UNC13C: variants seen among roughly 807,000 people sequenced by gnomAD.
UNC13C encodes the protein protein unc-13 homolog C.
Under a neutral mutation model 245.4 loss-of-function variants are expected in UNC13C, and 174 were observed. The ratio of observed to expected loss-of-function variants is 0.71; its 90% CI spans 0.63 to 0.80. The LOEUF is 0.80. UNC13C is among the 30% of genes least tolerant of loss of function. The pLI is 0.00. For missense variants in UNC13C, 2,829 were observed against 2,602.9 expected (o/e 1.09, Z -1.89); for synonymous variants, 992 against 895.1 (o/e 1.11, Z -1.93).
At chr15:54,026,592 G>A (rs1356048842) in intron 2 of UNC13C, among the ~76,000 whole-genome samples, 6 of 152,140 alleles carry the variant, frequency 3.9e-5, no homozygotes, top group African/African-American at 7.2e-5. Context: ...TTGCTGTAGG[G>A]AAACCCATGG....
chr15:54,074,993 A>T (rs1277644745), intron 2 of UNC13C, among the ~76,000 whole-genome samples: 3 of 152,030 alleles, frequency 2.0e-5, no homozygotes, highest in Non-Finnish European at 4.4e-5. Flanking sequence ...TTAACTGGTG[A>T]TGTAGGTTTT....
chr15:54,334,485 T>C (rs75325940), intron 16 of UNC13C, among the ~76,000 whole-genome samples: 2 of 152,098 alleles, frequency 1.3e-5, no homozygotes, highest in Non-Finnish European at 2.9e-5. Context: ...ATACACTCTT[T>C]GAAAGACAGT....
At chr15:54,234,108 G>A (rs1414364107) in intron 4 of UNC13C, among the ~76,000 whole-genome samples, 1 of 134,376 alleles carries the variant, frequency 7.4e-6, no homozygotes, top group Non-Finnish European at 1.6e-5. Context: ...TTATAACAGG[G>A]ATTTTTCTCT....
At chr15:54,339,628 C>A (rs2038679054) in intron 17 of UNC13C, among the ~76,000 whole-genome samples, 1 of 141,286 alleles carries the variant, frequency 7.1e-6, no homozygotes, top group South Asian at 2.3e-4. Context: ...TAGTAGTATT[C>A]CATTATGTGG....
chr15:53,978,529 T>C lies in UNC13C; in HGVS notation c.-655T>C, dbSNP rs1008925263. Among the ~76,000 whole-genome samples the C allele has an allele frequency of 9.9e-5, 15 of 152,074 alleles. No homozygotes were observed. Among genetic ancestry groups the C allele is most frequent in the African/African-American group, 3.6e-4 (15 of 41,406 alleles). ...CCTCACCCTCAAATGTTGATGAGCC[T>C]GGGCGCTCCTCAACACACGGGAGAG... On this transcript the variant is annotated 5_prime_UTR_variant, in exon 1 of 33. Coordinates refer to ENST00000260323, the MANE Select transcript of UNC13C (RefSeq NM_001080534.3).
chr15:54,293,281 G>A (rs1394545548), intron 10 of UNC13C, among the ~76,000 whole-genome samples: 2 of 151,938 alleles, frequency 1.3e-5, no homozygotes, highest in African/African-American at 2.4e-5. Flanking sequence ...ACCATAATAT[G>A]TGTAGGCAAT....
chr15:54,308,573 T>A (rs2037785012), intron 13 of UNC13C, among the ~76,000 whole-genome samples: 1 of 151,890 alleles, frequency 6.6e-6, no homozygotes, highest in Non-Finnish European at 1.5e-5. Context: ...ATCATCACCA[T>A]GTTGTACAAT....
chr15:54,526,528 G>A (rs1239785983), intron 25 of UNC13C, among the ~76,000 whole-genome samples: 2 of 151,840 alleles, frequency 1.3e-5, no homozygotes, highest in African/African-American at 2.4e-5. Context: ...TCAGGAGATC[G>A]AGACCATCCT....
At chr15:53,870,478 G>A in the UNC13C span, among the ~76,000 whole-genome samples, 1 of 148,172 alleles carries the variant, frequency 6.7e-6, no homozygotes, top group Non-Finnish European at 1.5e-5. Flanking sequence ...ATGTGGGTGA[G>A]TGCCTCATCC....
intron 24 of UNC13C, chr15:54,512,265 C>T (rs1596496066): frequency 2.3e-6 from 1 of 442,836 alleles, no homozygotes; most frequent in Non-Finnish European, 4.5e-6. Context: ...ATTGAGAAAG[C>T]TCTGTCAAAA....
At chr15:54,308,346 A>G (rs2037779551) in intron 13 of UNC13C, among the ~76,000 whole-genome samples, 1 of 151,952 alleles carries the variant, frequency 6.6e-6, no homozygotes, top group African/African-American at 2.4e-5. Context: ...CTTGCCAGTA[A>G]CTATCTCATT....
intron 26 of UNC13C, among the ~76,000 whole-genome samples, chr15:54,546,270 G>C (rs1896477805): frequency 6.6e-6 from 1 of 152,160 alleles, no homozygotes; most frequent in South Asian, 2.1e-4. Context: ...GTTGAACAAT[G>C]AGAACACGTG....
chr15:54,298,839 C>T (rs140899522), intron 12 of UNC13C, among the ~76,000 whole-genome samples: 25 of 152,196 alleles, frequency 1.6e-4, no homozygotes, highest in African/African-American at 5.8e-4. Flanking sequence ...TAACAAAGTA[C>T]CTTCCTCAGA....
intron 2 of UNC13C, among the ~76,000 whole-genome samples, chr15:54,120,712 G>A (rs966082256): frequency 6.6e-6 from 1 of 151,980 alleles, no homozygotes; most frequent in Non-Finnish European, 1.5e-5. Context: ...AAGGCCATTT[G>A]TGATTCATGG....
intron 17 of UNC13C, among the ~76,000 whole-genome samples, chr15:54,346,890 G>T (rs1174355613): frequency 6.6e-6 from 1 of 152,068 alleles, no homozygotes; most frequent in African/African-American, 2.4e-5. Context: ...CACTGGTGTA[G>T]GCTCTTAGGA....
intron 10 of UNC13C, among the ~76,000 whole-genome samples, chr15:54,285,097 T>C (rs2037108009): frequency 6.6e-6 from 1 of 152,166 alleles, no homozygotes; most frequent in Non-Finnish European, 1.5e-5. Flanking sequence ...AGCCAGTGCA[T>C]GAACTCCTCT....
intron 6 of UNC13C, among the ~76,000 whole-genome samples, chr15:54,237,321 G>T (rs2035727533): frequency 6.6e-6 from 1 of 152,110 alleles, no homozygotes; most frequent in Admixed American, 6.6e-5. Context: ...CCTCTTGCTA[G>T]CCTGAGGTGG....
At chr15:54,078,092 T>C (rs551628161) in intron 2 of UNC13C, among the ~76,000 whole-genome samples, 2 of 152,348 alleles carry the variant, frequency 1.3e-5, no homozygotes, top group South Asian at 4.1e-4. Flanking sequence ...TTCAGAATTA[T>C]TTCACTTGAT....
intron 29 of UNC13C, among the ~76,000 whole-genome samples, chr15:54,558,262 AG>A (rs1286773726): frequency 2.6e-5 from 4 of 152,236 alleles, no homozygotes; most frequent in African/African-American, 7.2e-5. Context: ...TAATAAAAAA[AG>A]AATGATTATT....
Sources: allele counts gnomAD v4.1 joint callset (sites outside exome capture counted in the v4.1 genomes callset), GRCh38; gene constraint gnomAD v4.1.1; transcripts MANE v1.5; gene names NCBI Gene and HGNC (gene_info 2026-07-23, HGNC 2026-07-21).